Variants in SCN7A observed in about 807,000 individuals in gnomAD.
The protein encoded by SCN7A is sodium voltage-gated channel alpha subunit 7.
Under a neutral mutation model 155.2 loss-of-function variants are expected in SCN7A, and 138 were observed. The ratio of observed to expected loss-of-function variants is 0.89; its 90% CI spans 0.77 to 1.02. The LOEUF is 1.02. SCN7A is among the 50% of genes least tolerant of loss of function. SCN7A has a pLI of 0.00. For synonymous variants in SCN7A, 693 were observed against 649.0 expected (o/e 1.07, Z -1.03); for missense variants, 2,058 against 1,986.6 (o/e 1.04, Z -0.68).
intron 2 of SCN7A, among the ~76,000 whole-genome samples, chr2:166,486,516 T>A (rs1358603956): frequency 2.6e-5 from 4 of 152,180 alleles, no homozygotes; most frequent in Non-Finnish European, 4.4e-5. Context: ...GTTAACACGC[T>A]GGTACTGAGA....
chr2:166,487,601 CTG>C (rs897332873), intron 1 of SCN7A, among the ~76,000 whole-genome samples: 1 of 152,122 alleles, frequency 6.6e-6, no homozygotes, highest in Admixed American at 6.5e-5. Context: ...GAATCAATCT[CTG>C]TGCTTTCTGA....
At chr2:166,408,690 A>C (rs1701129798) in intron 25 of SCN7A, among the ~76,000 whole-genome samples, 1 of 151,840 alleles carries the variant, frequency 6.6e-6, no homozygotes, top group African/African-American at 2.4e-5. Context: ...TGTTTCCACT[A>C]TCAACTGAAT....
At chr2:166,433,928 T>C (rs1701784238) in intron 15 of SCN7A, among the ~76,000 whole-genome samples, 1 of 152,196 alleles carries the variant, frequency 6.6e-6, no homozygotes, top group South Asian at 2.1e-4. Context: ...TTTTGACTTT[T>C]ACTATCACTT....
In SCN7A at chr2:166,412,652, G is replaced by A; in HGVS notation, c.3484C>T (p.His1162Tyr). The A allele has an allele frequency of 1.3e-6, 2 of 1,510,040 alleles. No homozygotes were observed. The highest frequency in any genetic ancestry group is 1.8e-6 in the Non-Finnish European group (2 of 1,134,092). 93.5% of individuals were successfully genotyped at this position (1,510,040 alleles called of 1,614,324 possible). ...TACATGTAGATGTTGACTTCAAAAT[G>A]AGGCTGTATATTAACCTAGAAGTTT... ...IDSVAVNIQP[H>Y]FEVNIYMYCY... The change falls in exon 23 of 26, where the codon CAT (histidine) becomes TAT (tyrosine). Residue 1162 changes from histidine (H) to tyrosine (Y), a missense_variant. His to Tyr is a moderately conservative substitution (Grantham distance 83). Coordinates refer to ENST00000643258, the MANE Select transcript of SCN7A (RefSeq NM_002976.4).
Position 166,456,839 on chromosome 2 carries a change from G to T in SCN7A, c.1290+31C>A, listed in dbSNP as rs1276292808. 1.1e-4 allele frequency: 110 copies of T among 1,008,186 alleles called. No homozygotes were observed. The East Asian group carries it at 1.9e-3, about 17-fold the overall frequency. The allele number at this position is 1,008,186 out of a possible 1,614,324, so 62.5% of individuals were successfully genotyped here. A position where few individuals can be genotyped will look rare whatever the true frequency, so the allele number is the denominator to read the frequency against. ...ATATATATATATATATAGATAGATA[G>T]ATAGATAGATAGATAGATAGATATA... is the stretch of plus-strand genomic sequence containing the variant. On this transcript the variant is annotated intron_variant, in intron 11 of 25. Coordinates refer to ENST00000643258, the MANE Select transcript of SCN7A (RefSeq NM_002976.4).
chr2:166,406,854 C>A (rs142095642), intron 25 of SCN7A, among the ~76,000 whole-genome samples: 4 of 152,066 alleles, frequency 2.6e-5, no homozygotes, highest in Non-Finnish European at 5.9e-5. Context: ...CTCAGGGTAT[C>A]TAGCTAAATT....
chr2:166,411,560 T>C (rs1701204051), intron 23 of SCN7A, among the ~76,000 whole-genome samples: 1 of 152,030 alleles, frequency 6.6e-6, no homozygotes, highest in African/African-American at 2.4e-5. Flanking sequence ...GGTTGCTAAA[T>C]CTATGGTATG....
intron 16 of SCN7A, 28 bp from the exon 17 acceptor site, chr2:166,429,302 T>C (rs1701685397): frequency 7.1e-7 from 1 of 1,404,860 alleles, no homozygotes; most frequent in Non-Finnish European, 9.7e-7. Flanking sequence ...ACCAAAAAAG[T>C]TGTGATTAAA....
intron 15 of SCN7A, chr2:166,441,114 C>T (rs1701949903): frequency 2.3e-6 from 1 of 434,092 alleles, no homozygotes; most frequent in Non-Finnish European, 4.0e-6. Flanking sequence ...GGAGGACCTA[C>T]TATATTATCA....
At chr2:166,418,187 C>T (rs11675847) in intron 20 of SCN7A, among the ~76,000 whole-genome samples, 76,233 of 149,560 alleles carry the variant, frequency 0.51, 19,390 homozygotes, top group African/African-American at 0.53. Context: ...ATGGCCCGAT[C>T]TTGGCTCACT....
At chr2:166,420,051 T>A (rs1275393160) in intron 20 of SCN7A, among the ~76,000 whole-genome samples, 1 of 152,096 alleles carries the variant, frequency 6.6e-6, no homozygotes, top group Non-Finnish European at 1.5e-5. Flanking sequence ...AGTATACATA[T>A]ACAAATATAA....
Position 166,465,828 on chromosome 2 carries a change from T to A in SCN7A, c.824A>T (p.Glu275Val). ...AGTTCTGTTGTGCAGGGTTTCATTT[T>A]CATTCTCTTGGGGCCATCGAAAACA... ...HKCFRWPQEN[E>V]NETLHNRTGN... is the part of the protein sequence containing the mutation. The change falls in exon 8 of 26, where the codon GAA becomes GTA. Residue 275 changes from glutamate to valine, a missense_variant. Glu to Val is a moderately radical substitution (Grantham distance 121). Transcript: ENST00000643258. 1 of 1,613,916 alleles carries A rather than the reference T, an allele frequency of 6.2e-7. No homozygotes were observed. Among genetic ancestry groups the A allele is most frequent in the Non-Finnish European group, 8.5e-7 (1 of 1,179,852 alleles).
At chr2:166,482,411 T>C (rs931810914) in intron 2 of SCN7A, among the ~76,000 whole-genome samples, 2 of 152,094 alleles carry the variant, frequency 1.3e-5, no homozygotes, top group African/African-American at 2.4e-5. Flanking sequence ...ATATCCCTTT[T>C]CTTTTTCTTT....
intron 15 of SCN7A, chr2:166,436,395 C>T (rs1317353928): frequency 2.3e-6 from 1 of 443,436 alleles, no homozygotes; most frequent in African/African-American, 2.0e-5. Context: ...GACATGCCTG[C>T]TTCCTCTTCC....
At chr2:166,407,511 C>G (rs1701100668) in intron 25 of SCN7A, among the ~76,000 whole-genome samples, 1 of 151,872 alleles carries the variant, frequency 6.6e-6, no homozygotes, top group South Asian at 2.1e-4. Flanking sequence ...TAAACTTGGT[C>G]TCTGCCTAAG....
intron 19 of SCN7A, among the ~76,000 whole-genome samples, chr2:166,421,880 A>T (rs563668884): frequency 6.6e-6 from 1 of 152,246 alleles, no homozygotes; most frequent in South Asian, 2.1e-4. Flanking sequence ...GTTCATAAAT[A>T]CTAAGGTGGT....
chr2:166,406,678 A>G (rs781082860), intron 25 of SCN7A, 32 bp from the exon 26 acceptor site: 7 of 1,392,762 alleles, frequency 5.0e-6, no homozygotes, highest in African/African-American at 1.4e-5. Flanking sequence ...CAGGCTATAC[A>G]TTATTCAAAC....
At chr2:166,412,956 C>T in intron 22 of SCN7A, 112 bp downstream of exon 22, 2 of 885,538 alleles carry the variant, frequency 2.3e-6, no homozygotes, top group East Asian at 2.8e-5. Context: ...ATGAAATATC[C>T]AATCTGAACT....
In SCN7A at chr2:166,444,866, C is replaced by G; in HGVS notation, c.1522G>C (p.Asp508His). The change falls in exon 13 of 26, where the codon GAT (aspartate) becomes CAT (histidine). Residue 508 changes from aspartate (D) to histidine (H), a missense_variant. By Grantham distance (81) the Asp-to-His change is moderately conservative. Coordinates refer to ENST00000643258, the MANE Select transcript of SCN7A (RefSeq NM_002976.4). The stretch of plus-strand genomic sequence containing the variant: ...ATTATGCATATGATAAGGAAAAGAT[C>G]AGTAAATGGTGCCATTATAATCCTA... ...VHRIIMAPFTDLFLIICIILN... is the reference protein window; with the variant it reads ...VHRIIMAPFTHLFLIICIILN... 1.2e-6 allele frequency: 2 copies of G among 1,612,324 alleles called. No individual in the cohort carries two copies. Among genetic ancestry groups the G allele is most frequent in the East Asian group, 4.5e-5 (2 of 44,806 alleles).
Sources: gnomAD v4.1 joint callset for allele counts (sites outside exome capture counted in the v4.1 genomes callset) on GRCh38, gnomAD v4.1.1 for gene constraint, MANE v1.5 for transcripts, NCBI Gene and HGNC (gene_info 2026-07-23, HGNC 2026-07-21) for gene names.